The following RALGAPA1 variants were observed in gnomAD, a reference collection of about 807,000 sequenced individuals.
RALGAPA1 encodes Ral GTPase activating protein catalytic subunit alpha 1, also known as ral GTPase-activating protein subunit alpha-1.
Under a neutral mutation model 269.6 loss-of-function variants are expected in RALGAPA1, and 52 were observed. The observed-to-expected ratio is 0.19, with a 90% CI of 0.15 to 0.24. RALGAPA1 has a LOEUF of 0.24. RALGAPA1 is among the 10% of genes least tolerant of loss of function. RALGAPA1 has a pLI of 1.00. For synonymous variants in RALGAPA1, 817 were observed against 1,008.3 expected (o/e 0.81, Z 3.60); for missense variants, 1,917 against 3,013.9 (o/e 0.64, Z 8.52).
intron 39 of RALGAPA1, among the ~76,000 whole-genome samples, chr14:35,565,069 A>G (rs995845344): frequency 6.6e-6 from 1 of 152,096 alleles, no homozygotes; most frequent in Non-Finnish European, 1.5e-5. Context: ...CAAAATCTTT[A>G]CTGTGTAAGT....
In RALGAPA1 at chr14:35,705,320, A is replaced by T. The variant is rs529629381; in HGVS notation, c.2267-5018T>A. ...TCTCTGTGCTTGCTTCTACCTATTCATCCCTTCTTCTAGCCCCACCCCCCT... is the reference window on the plus strand; with the variant it reads ...TCTCTGTGCTTGCTTCTACCTATTCTTCCCTTCTTCTAGCCCCACCCCCCT... On this transcript the variant is annotated intron_variant, in intron 16 of 41. Transcript: ENST00000680220. Among the ~76,000 whole-genome samples the T allele has an allele frequency of 1.5e-4, 23 of 152,162 alleles. No homozygotes were observed. In the East Asian group the frequency reaches 4.4e-3, roughly 29 times the overall value.
intron 6 of RALGAPA1, 130 bp from the exon 7 acceptor site, chr14:35,757,038 C>T (rs1366603274): frequency 7.1e-6 from 4 of 564,882 alleles, no homozygotes; most frequent in East Asian, 4.5e-5. Context: ...AATGACTGAT[C>T]CTTGAAATAA....
At chr14:35,624,492 A>C (rs1395895295) in intron 35 of RALGAPA1, among the ~76,000 whole-genome samples, 1 of 152,150 alleles carries the variant, frequency 6.6e-6, no homozygotes, top group Non-Finnish European at 1.5e-5. Flanking sequence ...ATAACAAACA[A>C]GTTTATTAAG....
intron 26 of RALGAPA1, among the ~76,000 whole-genome samples, chr14:35,668,354 G>A (rs928187461): frequency 2.0e-5 from 3 of 152,048 alleles, no homozygotes; most frequent in Admixed American, 6.6e-5. Context: ...ATGATGGCGC[G>A]GGCCTGTAGC....
intron 18 of RALGAPA1, among the ~76,000 whole-genome samples, chr14:35,687,383 T>A (rs1284233953): frequency 1.3e-5 from 2 of 152,170 alleles, no homozygotes; most frequent in African/African-American, 2.4e-5. Context: ...GAAAGGAAAA[T>A]GAGCACTGTT....
intron 31 of RALGAPA1, among the ~76,000 whole-genome samples, chr14:35,641,377 T>C (rs2062020067): frequency 1.3e-5 from 2 of 152,108 alleles, no homozygotes; most frequent in African/African-American, 4.8e-5. Context: ...TTAGAACTGA[T>C]AAACAACGTC....
chr14:35,766,714 T>A (rs2074181237), intron 4 of RALGAPA1: 1 of 567,926 alleles, frequency 1.8e-6, no homozygotes, highest in South Asian at 1.4e-5. Flanking sequence ...AATTATTTCA[T>A]CAAAGCACAG....
intron 13 of RALGAPA1, among the ~76,000 whole-genome samples, chr14:35,725,838 C>A (rs1307354002): frequency 6.6e-6 from 1 of 152,132 alleles, no homozygotes; most frequent in Non-Finnish European, 1.5e-5. Flanking sequence ...AGGGCCATTA[C>A]TCTATTGTTT....
intron 1 of RALGAPA1, among the ~76,000 whole-genome samples, chr14:35,800,495 G>C (rs2076888259): frequency 6.6e-6 from 1 of 151,806 alleles, no homozygotes; most frequent in African/African-American, 2.4e-5. Flanking sequence ...ATAACCCATG[G>C]ATTAAAAAAA....
chr14:35,649,457 G>A (rs1371957843), intron 31 of RALGAPA1, among the ~76,000 whole-genome samples: 1 of 150,346 alleles, frequency 6.7e-6, no homozygotes, highest in Non-Finnish European at 1.5e-5. Context: ...GGCATCCAAG[G>A]CCCTTTATAA....
chr14:35,599,864 T>C (rs2059166107), intron 36 of RALGAPA1, among the ~76,000 whole-genome samples: 1 of 152,216 alleles, frequency 6.6e-6, no homozygotes, highest in African/African-American at 2.4e-5. Flanking sequence ...ATCTCTTTAA[T>C]AGTTTCCCCC....
chr14:35,690,401 C>T (rs1235343744), intron 17 of RALGAPA1, among the ~76,000 whole-genome samples: 1 of 152,180 alleles, frequency 6.6e-6, no homozygotes, highest in Non-Finnish European at 1.5e-5. Flanking sequence ...ATCCAAGTAT[C>T]CCACTGTAGA....
intron 11 of RALGAPA1, among the ~76,000 whole-genome samples, chr14:35,740,053 C>T (rs1294862349): frequency 1.3e-5 from 2 of 152,148 alleles, no homozygotes; most frequent in Non-Finnish European, 2.9e-5. Flanking sequence ...TTTGCAGGTG[C>T]TATTCACACG....
At chr14:35,796,204 C>A (rs2141856675) in intron 1 of RALGAPA1, among the ~76,000 whole-genome samples, 1 of 151,810 alleles carries the variant, frequency 6.6e-6, no homozygotes, top group Non-Finnish European at 1.5e-5. Flanking sequence ...AAAACAAGAC[C>A]CAAGATGAAC....
Position 35,686,601 on chromosome 14 carries a change from T to C in RALGAPA1, c.4018A>G (p.Asn1340Asp), listed in dbSNP as rs190278832. 5.7e-5 allele frequency: 91 copies of C among 1,610,046 alleles called. 1 individual carries two copies. In the Admixed American group the frequency reaches 1.1e-3, roughly 20 times the overall value. Residue 1340 changes from asparagine to aspartate, a missense_variant, in exon 19 of 42, where the codon AAT becomes GAT. Around this residue, in one of 11 missense-constraint regions of RALGAPA1, gnomAD observed 615 missense variants for 790.0 expected, o/e 0.78. Coordinates refer to ENST00000680220, the MANE Select transcript of RALGAPA1 (RefSeq NM_001346249.2). ...AACTCATCCATCAGATCAGGAACATTAGCACTGCTGCCGCCAATATCACTA... is the reference window on the plus strand; with the variant it reads ...AACTCATCCATCAGATCAGGAACATCAGCACTGCTGCCGCCAATATCACTA... ...LNSDIGGSSA[N>D]VPDLMDEFIA...
rs373301052 is a variant in RALGAPA1, at chr14:35,750,589, G to A, written c.904C>T (p.Arg302Cys). 3.1e-6 allele frequency: 5 copies of A among 1,612,644 alleles called. No homozygotes were observed. Among genetic ancestry groups the A allele is most frequent in the African/African-American group, 1.3e-5 (1 of 74,876 alleles). ...ACCAGCCAACGAATGACAATAACAC[G>A]AGCCTTAATGAAAGGCTCCTTTGTA... is the stretch of plus-strand genomic sequence containing the variant. ...YCTKEPFIKARVIVIRWLVSF... is the reference protein window; with the variant it reads ...YCTKEPFIKACVIVIRWLVSF... The change falls in exon 9 of 42, where the codon CGT becomes TGT. Residue 302 changes from arginine to cysteine, a missense_variant. By Grantham distance (180) the Arg-to-Cys change is radical (BLOSUM62 -3). This residue lies in a region of RALGAPA1 where 462 missense variants were observed against 725.6 expected (regional missense o/e 0.64). Transcript: ENST00000680220.
chr14:35,563,877 T>A (rs1333252004), intron 39 of RALGAPA1, among the ~76,000 whole-genome samples: 2 of 152,134 alleles, frequency 1.3e-5, no homozygotes, highest in African/African-American at 4.8e-5. Context: ...AATGGTATGA[T>A]CTCGGCTCAG....
At chr14:35,679,073 G>GTA (rs2065194840) in intron 21 of RALGAPA1, among the ~76,000 whole-genome samples, 1 of 152,164 alleles carries the variant, frequency 6.6e-6, no homozygotes, top group Non-Finnish European at 1.5e-5. Flanking sequence ...TAGTGCCTGG[G>GTA]TATAGTACCT....
At chr14:35,541,040 A>ATTATTTTTTTTTTTTTTTTTTTTTTTTTT (rs2053923762) in intron 41 of RALGAPA1, among the ~76,000 whole-genome samples, 1 of 89,164 alleles carries the variant, frequency 1.1e-5, no homozygotes, top group African/African-American at 5.6e-5. Flanking sequence ...GAACACTTCA[A>ATTATTTTTTTTTTTTTTTTTTTTTTTTTT]TTTTTTTTTT....
Sources: allele counts gnomAD v4.1 joint callset (sites outside exome capture counted in the v4.1 genomes callset), GRCh38; gene constraint gnomAD v4.1.1; regional missense constraint gnomAD v4.1.1; transcripts MANE v1.5; gene names NCBI Gene and HGNC (gene_info 2026-07-23, HGNC 2026-07-21).